NRXN1: variants seen among roughly 807,000 people sequenced by gnomAD.
NRXN1 encodes neurexin 1.
In NRXN1, 39 loss-of-function variants were observed where a neutral mutation model predicts 150.9. That is an observed-to-expected ratio of 0.26 (90% CI 0.20 to 0.34). The LOEUF is 0.34. Ranked by LOEUF, NRXN1 falls within the 10% of genes least tolerant of loss-of-function variation. The pLI, the probability that NRXN1 is intolerant of heterozygous loss-of-function variation, is 1.00. For synonymous variants in NRXN1, 924 were observed against 757.0 expected (o/e 1.22, Z -3.62); for missense variants, 1,815 against 1,949.9 (o/e 0.93, Z 1.30).
chr2:50,897,825 C>T (rs2103912649), intron 5 of NRXN1, among the ~76,000 whole-genome samples: 1 of 152,270 alleles, frequency 6.6e-6, no homozygotes, highest in East Asian at 1.9e-4. Flanking sequence ...ATCTTGGTTG[C>T]AGCATTGTTT....
intron 5 of NRXN1, among the ~76,000 whole-genome samples, chr2:50,708,196 A>C (rs1219638729): frequency 6.6e-6 from 1 of 152,202 alleles, no homozygotes; most frequent in East Asian, 1.9e-4. Flanking sequence ...AGATTTAGAA[A>C]TTATCTCATG....
At chr2:50,157,756 T>C (rs1437803827) in intron 18 of NRXN1, among the ~76,000 whole-genome samples, 2 of 151,910 alleles carry the variant, frequency 1.3e-5, no homozygotes, top group East Asian at 1.9e-4. Flanking sequence ...CAGTCTGTAG[T>C]GAGAAAAGTT....
intron 18 of NRXN1, among the ~76,000 whole-genome samples, chr2:50,129,593 C>G (rs1195333496): frequency 6.6e-6 from 1 of 151,982 alleles, no homozygotes. Flanking sequence ...CTCCATGTGT[C>G]CTAATATAAA....
intron 18 of NRXN1, among the ~76,000 whole-genome samples, chr2:50,131,512 C>T (rs553087805): frequency 6.6e-6 from 1 of 152,242 alleles, no homozygotes; most frequent in African/African-American, 2.4e-5. Flanking sequence ...AGGACATGGA[C>T]CTTGTCTTGT....
At chr2:50,891,988 TATCCAATATTATCAGGATACAC>T (rs925951126) in intron 5 of NRXN1, among the ~76,000 whole-genome samples, 2 of 152,096 alleles carry the variant, frequency 1.3e-5, no homozygotes, top group Non-Finnish European at 2.9e-5. Context: ...GTACTTAAGG[TATCCAATATTATCAGGATACAC>T]AAACTTACAG....
At chr2:49,936,414 G>A (rs1377762243) in intron 22 of NRXN1, among the ~76,000 whole-genome samples, 2 of 152,110 alleles carry the variant, frequency 1.3e-5, no homozygotes, top group African/African-American at 4.8e-5. Flanking sequence ...CCTGTCATTG[G>A]ATGTGTGATA....
chr2:51,031,535 A>T (rs1001258440), intron 1 of NRXN1, among the ~76,000 whole-genome samples: 1 of 152,082 alleles, frequency 6.6e-6, no homozygotes, highest in Non-Finnish European at 1.5e-5. Flanking sequence ...AAGTCTCTCA[A>T]TACCAATGCA....
chr2:50,108,785 C>T (rs1573959308), intron 18 of NRXN1, among the ~76,000 whole-genome samples: 2 of 152,050 alleles, frequency 1.3e-5, no homozygotes, highest in East Asian at 3.9e-4. Context: ...TACATTGTCA[C>T]CAATAGGTCT....
chr2:50,082,616 CAG>C (rs1471498694), intron 19 of NRXN1, among the ~76,000 whole-genome samples: 1 of 152,092 alleles, frequency 6.6e-6, no homozygotes, highest in Non-Finnish European at 1.5e-5. Flanking sequence ...ACTCGCAAAA[CAG>C]AATAAATTTT....
chr2:50,272,893 A>C (rs533904203), intron 17 of NRXN1, among the ~76,000 whole-genome samples: 6 of 152,248 alleles, frequency 3.9e-5, no homozygotes, highest in African/African-American at 1.2e-4. Context: ...TTAATGAAAA[A>C]AAATGAATTT....
chr2:50,153,200 A>G (rs538962548), intron 18 of NRXN1, among the ~76,000 whole-genome samples: 38 of 151,536 alleles, frequency 2.5e-4, no homozygotes, highest in Admixed American at 1.9e-3. Flanking sequence ...AAGATTTTCT[A>G]CGTCTTTGTT....
At chr2:50,553,429 A>C (rs1442281347) in intron 8 of NRXN1, among the ~76,000 whole-genome samples, 4 of 152,224 alleles carry the variant, frequency 2.6e-5, no homozygotes, top group African/African-American at 9.6e-5. Flanking sequence ...GAGGTTATTC[A>C]GTTTTCCCAT....
intron 5 of NRXN1, among the ~76,000 whole-genome samples, chr2:50,890,132 T>C (rs1161017264): frequency 6.6e-6 from 1 of 151,864 alleles, no homozygotes; most frequent in African/African-American, 2.4e-5. Flanking sequence ...TCAACTTGTA[T>C]AATGCTTCTT....
chr2:50,651,136 C>T (rs1685552896), intron 5 of NRXN1, among the ~76,000 whole-genome samples: 1 of 151,932 alleles, frequency 6.6e-6, no homozygotes, highest in South Asian at 2.1e-4. Context: ...AAATTAAGTT[C>T]TGGAAAAAAT....
intron 17 of NRXN1, among the ~76,000 whole-genome samples, chr2:50,400,426 C>G (rs1256270120): frequency 6.6e-6 from 1 of 151,968 alleles, no homozygotes; most frequent in Non-Finnish European, 1.5e-5. Context: ...AACGCCGTTG[C>G]TCATATAAAC....
chr2:50,209,370 G>A (rs958723998), intron 18 of NRXN1, among the ~76,000 whole-genome samples: 5 of 152,110 alleles, frequency 3.3e-5, no homozygotes, highest in Non-Finnish European at 7.4e-5. Flanking sequence ...AATACTTGTG[G>A]TGCACTAGCA....
chr2:50,634,057 A>C (rs2104426032), intron 5 of NRXN1, among the ~76,000 whole-genome samples: 1 of 152,326 alleles, frequency 6.6e-6, no homozygotes, highest in South Asian at 2.1e-4. Context: ...CACTGGGGCA[A>C]TGTGGGAATA....
intron 5 of NRXN1, among the ~76,000 whole-genome samples, chr2:50,691,752 C>T (rs947407452): frequency 2.2e-4 from 34 of 152,164 alleles, no homozygotes; most frequent in African/African-American, 8.0e-4. Context: ...GTTAGTCAGT[C>T]TTCTTGTGGC....
intron 17 of NRXN1, among the ~76,000 whole-genome samples, chr2:50,435,704 T>C (rs2085360663): frequency 6.6e-6 from 1 of 152,136 alleles, no homozygotes; most frequent in Non-Finnish European, 1.5e-5. Context: ...CTTTGAGTTA[T>C]TTGAAAAATC....
Sources: allele counts gnomAD v4.1 joint callset (sites outside exome capture counted in the v4.1 genomes callset), GRCh38; gene constraint gnomAD v4.1.1; transcripts MANE v1.5; gene names NCBI Gene and HGNC (gene_info 2026-07-23, HGNC 2026-07-21).